The following TMEM181 variants were observed in gnomAD, a reference collection of about 807,000 sequenced individuals.
TMEM181 encodes the protein G protein-coupled receptor 178.
TMEM181 carries 39 observed loss-of-function variants against 71.9 expected under a neutral mutation model. The ratio of observed to expected loss-of-function variants is 0.54; its 90% CI spans 0.42 to 0.71. TMEM181 has a LOEUF of 0.71. Ranked by LOEUF, TMEM181 falls within the 30% of genes least tolerant of loss-of-function variation. The probability of loss-of-function intolerance (pLI) is 0.00; values close to 1 mark genes in which losing one functional copy is unlikely to be tolerated. For missense variants in TMEM181, 595 were observed against 583.0 expected (o/e 1.02, Z -0.21); for synonymous variants, 245 against 228.8 (o/e 1.07, Z -0.64).
intron 3 of TMEM181, 90 bp from the exon 4 acceptor site, chr6:158,583,864 C>G: frequency 1.1e-6 from 1 of 925,072 alleles, no homozygotes; most frequent in Non-Finnish European, 1.6e-6. Flanking sequence ...GCCTTTATTG[C>G]TAAAAGTAAA....
intron 10 of TMEM181, among the ~76,000 whole-genome samples, chr6:158,612,660 G>A (rs946875608): frequency 2.6e-5 from 4 of 152,196 alleles, no homozygotes; most frequent in African/African-American, 9.7e-5. Flanking sequence ...CCTCTCTTAC[G>A]AGACCTGATT....
chr6:158,612,363 T>G (rs1785380713), intron 10 of TMEM181, among the ~76,000 whole-genome samples: 1 of 152,184 alleles, frequency 6.6e-6, no homozygotes, highest in Non-Finnish European at 1.5e-5. Context: ...TACTTCCTGC[T>G]GGGTGGGAGA....
intron 10 of TMEM181, chr6:158,609,653 AG>A: frequency 4.7e-6 from 1 of 211,402 alleles, no homozygotes; most frequent in Non-Finnish European, 1.0e-5. Flanking sequence ...GTATTACGTC[AG>A]GTTGCTAGTT....
chr6:158,610,484 C>T, intron 10 of TMEM181: 1 of 330,898 alleles, frequency 3.0e-6, no homozygotes, highest in Middle Eastern at 5.8e-4. Context: ...ATCCAAATGA[C>T]AGTGGGTATC....
chr6:158,627,037 A>G (rs1186257218), intron 13 of TMEM181, among the ~76,000 whole-genome samples: 2 of 140,274 alleles, frequency 1.4e-5, no homozygotes, highest in East Asian at 4.4e-4. Context: ...ACACATCCTT[A>G]CACACACCCT....
At chr6:158,618,674 T>C (rs146050229) in intron 10 of TMEM181, among the ~76,000 whole-genome samples, 1 of 152,340 alleles carries the variant, frequency 6.6e-6, no homozygotes, top group African/African-American at 2.4e-5. Flanking sequence ...GGAGCTCTTG[T>C]AAGGCAGGCC....
In TMEM181 at chr6:158,575,349, A is replaced by G. The variant is rs1256379345; in HGVS notation, c.112+1826A>G. On this transcript the variant is annotated intron_variant, in intron 2 of 16. Coordinates refer to ENST00000684151, the MANE Select transcript of TMEM181 (RefSeq NM_001376852.1). ...GCCTTGTTAGTGAAGACTGGAGTCC[A>G]GATTCTTCTTTTTTTTTTGCCCAGG... Among the ~76,000 whole-genome samples, 4 of 144,138 alleles carry G rather than the reference A, an allele frequency of 2.8e-5. No homozygotes were observed. In the East Asian group the frequency reaches 5.8e-4, roughly 21 times the overall value. 94.6% of individuals were successfully genotyped at this position (144,138 alleles called of 152,430 possible).
chr6:158,550,613 G>A (rs1176486440), intron 1 of TMEM181, among the ~76,000 whole-genome samples: 2 of 151,682 alleles, frequency 1.3e-5, no homozygotes, highest in South Asian at 2.1e-4. Flanking sequence ...CCGAGATGGC[G>A]CCACTGCACT....
At chr6:158,589,803 C>T in intron 6 of TMEM181, 21 bp downstream of exon 6, 1 of 1,521,154 alleles carries the variant, frequency 6.6e-7, no homozygotes, top group Non-Finnish European at 9.1e-7. Flanking sequence ...CAGCTGACTG[C>T]ACGTTTCCAT....
chr6:158,541,501 CTCT>C (rs1453091016), intron 1 of TMEM181, among the ~76,000 whole-genome samples: 3 of 152,204 alleles, frequency 2.0e-5, no homozygotes, highest in Non-Finnish European at 1.5e-5. Flanking sequence ...CCATCTCCTC[CTCT>C]GATGGATTTT....
intron 6 of TMEM181, among the ~76,000 whole-genome samples, chr6:158,604,745 A>G (rs1211543300): frequency 6.6e-6 from 1 of 152,210 alleles, no homozygotes; most frequent in Non-Finnish European, 1.5e-5. Flanking sequence ...AAGTATGACT[A>G]TTTCTAATAA....
intron 2 of TMEM181, among the ~76,000 whole-genome samples, chr6:158,577,600 CA>C (rs369140873): frequency 2.0e-4 from 31 of 152,250 alleles, no homozygotes; most frequent in African/African-American, 7.2e-4. Flanking sequence ...AGAAGCTCAA[CA>C]AACTCAAAGT....
At chr6:158,607,378 C>T in intron 8 of TMEM181, 35 bp downstream of exon 8, 1 of 1,597,778 alleles carries the variant, frequency 6.3e-7, no homozygotes, top group Non-Finnish European at 8.6e-7. Context: ...GAACTTTTCC[C>T]TTTAAAATGT....
upstream of TMEM181, among the ~76,000 whole-genome samples, chr6:158,559,055 G>T (rs1335378828): frequency 6.6e-6 from 1 of 152,142 alleles, no homozygotes; most frequent in African/African-American, 2.4e-5. Context: ...GAGATTTTGT[G>T]TAACTATTCC....
At chr6:158,622,597 C>CT (rs1583050512) in intron 10 of TMEM181, among the ~76,000 whole-genome samples, 1 of 152,296 alleles carries the variant, frequency 6.6e-6, no homozygotes, top group East Asian at 1.9e-4. Flanking sequence ...TTAGGGAATG[C>CT]TTTTTTCTGG....
chr6:158,588,453 G>A (rs1582992661), intron 5 of TMEM181, among the ~76,000 whole-genome samples: 1 of 151,602 alleles, frequency 6.6e-6, no homozygotes, highest in Non-Finnish European at 1.5e-5. Flanking sequence ...GTTTGTTTTT[G>A]TTTGTTTGTT....
At chr6:158,547,777 C>T (rs1027196279) in intron 1 of TMEM181, among the ~76,000 whole-genome samples, 1 of 151,690 alleles carries the variant, frequency 6.6e-6, no homozygotes, top group Non-Finnish European at 1.5e-5. Flanking sequence ...GGCCACTGGT[C>T]CCTGGCCTTG....
At chr6:158,586,716 G>T (rs1190699737) in intron 5 of TMEM181, among the ~76,000 whole-genome samples, 1 of 152,188 alleles carries the variant, frequency 6.6e-6, no homozygotes, top group African/African-American at 2.4e-5. Context: ...GGGAGGGTAG[G>T]GTGGGAGGAT....
At chr6:158,612,649 G>T (rs988999216) in intron 10 of TMEM181, among the ~76,000 whole-genome samples, 2 of 152,180 alleles carry the variant, frequency 1.3e-5, no homozygotes, top group Non-Finnish European at 2.9e-5. Flanking sequence ...ATTTTTAGCA[G>T]CCTCTCTTAC....
Sources: gnomAD v4.1 joint callset for allele counts (sites outside exome capture counted in the v4.1 genomes callset) on GRCh38, gnomAD v4.1.1 for gene constraint, MANE v1.5 for transcripts, NCBI Gene and HGNC (gene_info 2026-07-23, HGNC 2026-07-21) for gene names.